SLC6A7: variants seen among roughly 807,000 people sequenced by gnomAD.
SLC6A7 encodes the protein solute carrier family 6 member 7, also known as sodium-dependent proline transporter.
A neutral mutation model predicts 73.1 loss-of-function variants in SLC6A7; 58 were observed. That is an observed-to-expected ratio of 0.79 (90% CI 0.64 to 0.99). The LOEUF (loss-of-function observed/expected upper bound fraction) is 0.99, where lower values mean the gene tolerates loss of function less well. Ranked by LOEUF, SLC6A7 falls within the 50% of genes least tolerant of loss-of-function variation. The pLI is 0.00. For synonymous variants in SLC6A7, 338 were observed against 338.7 expected (o/e 1.00, Z 0.02); for missense variants, 783 against 831.4 (o/e 0.94, Z 0.72).
At chr5:150,190,552 C>G (rs1259352534) in intron 1 of SLC6A7, among the ~76,000 whole-genome samples, 192 bp downstream of exon 1, 1 of 152,190 alleles carries the variant, frequency 6.6e-6, no homozygotes, top group African/African-American at 2.4e-5. Flanking sequence ...CCCCTGCCAT[C>G]TGGGGTTCGG....
chr5:150,210,163 C>T lies in SLC6A7; in HGVS notation c.*548C>T, dbSNP rs1753905342. 1 of 159,876 alleles carries T rather than the reference C, an allele frequency of 6.3e-6. No homozygotes were observed. The highest frequency in any genetic ancestry group is 2.4e-5 in the African/African-American group (1 of 41,510). 9.9% of individuals were successfully genotyped at this position (159,876 alleles called of 1,614,324 possible). ...ATGAGTTAGGTGGGGAGAAAGATCC[C>T]TGGGGGCTCCTGTATGCAGGACTCC... On this transcript the variant is annotated 3_prime_UTR_variant, in exon 14 of 14. Coordinates refer to ENST00000230671, the MANE Select transcript of SLC6A7 (RefSeq NM_014228.5).
chr5:150,206,863 T>C (rs1239004404), intron 13 of SLC6A7, among the ~76,000 whole-genome samples: 1 of 152,168 alleles, frequency 6.6e-6, no homozygotes, highest in Admixed American at 6.5e-5. Flanking sequence ...AATGAGCCAC[T>C]AGGAGTGCTG....
At position 150,194,875 on chromosome 5, in the gene SLC6A7, T is replaced by C. The variant is rs1277765004; in HGVS notation, c.181T>C (p.Trp61Arg). The C allele has an allele frequency of 1.2e-6, 2 of 1,613,996 alleles. No homozygotes were observed. Among genetic ancestry groups the C allele is most frequent in the African/African-American group, 2.7e-5 (2 of 74,918 alleles). The change falls in exon 2 of 14, where the codon TGG becomes CGG. Residue 61 changes from tryptophan (W) to arginine (R), a missense_variant. Transcript: ENST00000230671. ...IGYCVGLGNV[W>R]RFPYRAYTNG... The stretch of plus-strand genomic sequence containing the variant: ...CTACTGTGTAGGCCTGGGGAATGTC[T>C]GGCGCTTCCCCTATCGAGCGTACAC...
intron 1 of SLC6A7, among the ~76,000 whole-genome samples, chr5:150,194,302 G>A (rs571749597): frequency 3.9e-5 from 6 of 152,106 alleles, no homozygotes; most frequent in East Asian, 1.9e-4. Context: ...GGTGGTGGGC[G>A]CCTGTAGTCC....
At chr5:150,196,436 A>T (rs1237256204) in intron 2 of SLC6A7, among the ~76,000 whole-genome samples, 1 of 152,176 alleles carries the variant, frequency 6.6e-6, no homozygotes, top group African/African-American at 2.4e-5. Flanking sequence ...TCAGCAGGAA[A>T]TTCACACATT....
intron 2 of SLC6A7, among the ~76,000 whole-genome samples, chr5:150,195,761 A>G (rs960745324): frequency 6.6e-6 from 1 of 152,240 alleles, no homozygotes; most frequent in African/African-American, 2.4e-5. Flanking sequence ...TAGATGAAGC[A>G]AAGAAAGGAT....
chr5:150,194,900 C>T lies in SLC6A7; in HGVS notation c.206C>T (p.Thr69Ile), dbSNP rs192386891. 2.5e-6 allele frequency: 4 copies of T among 1,613,418 alleles called. No individual in the cohort carries two copies. The highest frequency in any genetic ancestry group is 1.7e-6 in the Non-Finnish European group (2 of 1,179,524). ...NVWRFPYRAY[T>I]NGGGAFLVPY... ...TGGCGCTTCCCCTATCGAGCGTACACCAATGGAGGAGGTATGGGCCTGAGG... is the reference window on the plus strand; with the variant it reads ...TGGCGCTTCCCCTATCGAGCGTACATCAATGGAGGAGGTATGGGCCTGAGG... The change falls in exon 2 of 14, where the codon ACC becomes ATC. Residue 69 changes from threonine (T) to isoleucine (I), a missense_variant. Physicochemically the swap from Thr to Ile is moderately conservative, Grantham distance 89 (BLOSUM62 -1). Coordinates refer to ENST00000230671, the MANE Select transcript of SLC6A7 (RefSeq NM_014228.5).
At chr5:150,199,949 A>G (rs1388245856) in intron 5 of SLC6A7, among the ~76,000 whole-genome samples, 1 of 152,094 alleles carries the variant, frequency 6.6e-6, no homozygotes, top group Non-Finnish European at 1.5e-5. Flanking sequence ...ACTATTTTAG[A>G]ATTGAGTCTC....
intron 1 of SLC6A7, 122 bp from the exon 2 acceptor site, chr5:150,194,606 T>C: frequency 1.3e-6 from 1 of 748,490 alleles, no homozygotes; most frequent in South Asian, 1.8e-5. Flanking sequence ...GAGCACTTGA[T>C]TATCTGGACT....
intron 6 of SLC6A7, 115 bp from the exon 7 acceptor site, chr5:150,202,232 C>A: frequency 1.4e-6 from 1 of 738,542 alleles, no homozygotes; most frequent in South Asian, 1.6e-5. Context: ...CTCATGACCA[C>A]GCCATCCCTC....
chr5:150,190,977 G>T (rs1752756700), intron 1 of SLC6A7, among the ~76,000 whole-genome samples: 1 of 152,178 alleles, frequency 6.6e-6, no homozygotes, highest in South Asian at 2.1e-4. Context: ...TGGTATGGGA[G>T]AGTGGCTGTG....
At chr5:150,198,043 A>G (rs1046811121) in intron 4 of SLC6A7, among the ~76,000 whole-genome samples, 1 of 139,354 alleles carries the variant, frequency 7.2e-6, no homozygotes, top group African/African-American at 2.8e-5. Context: ...CCTTTAAAAG[A>G]AGAAAGAGAA....
chr5:150,196,667 T>C (rs1443257899), intron 2 of SLC6A7, 49 bp from the exon 3 acceptor site: 1 of 1,584,534 alleles, frequency 6.3e-7, no homozygotes, highest in South Asian at 1.2e-5. Flanking sequence ...AGCTGGGCTT[T>C]TGGGGGAGCT....
At chr5:150,204,715 C>T in intron 11 of SLC6A7, 84 bp downstream of exon 11, 1 of 1,360,638 alleles carries the variant, frequency 7.3e-7, no homozygotes, top group Non-Finnish European at 1.1e-6. Flanking sequence ...GTACCTGGGT[C>T]CCTGGTCCCA....
At chr5:150,192,495 G>C (rs988584562) in intron 1 of SLC6A7, among the ~76,000 whole-genome samples, 6 of 152,166 alleles carry the variant, frequency 3.9e-5, no homozygotes, top group African/African-American at 1.4e-4. Context: ...TCAGCTTCCA[G>C]CCCTGCCCCA....
intron 13 of SLC6A7, among the ~76,000 whole-genome samples, chr5:150,207,919 G>A (rs1238163375): frequency 6.6e-6 from 1 of 151,690 alleles, no homozygotes; most frequent in Non-Finnish European, 1.5e-5. Context: ...TGGAGACATT[G>A]TTGGTTGTCG....
intron 7 of SLC6A7, 58 bp from the exon 8 acceptor site, chr5:150,202,521 T>A (rs1468539879): frequency 6.2e-7 from 1 of 1,611,030 alleles, no homozygotes; most frequent in East Asian, 2.2e-5. Flanking sequence ...AGGGAGGGCC[T>A]CAGAGGCTGA....
intron 1 of SLC6A7, among the ~76,000 whole-genome samples, chr5:150,193,656 G>A (rs1038963049): frequency 5.9e-5 from 9 of 152,156 alleles, no homozygotes; most frequent in Admixed American, 5.2e-4. Flanking sequence ...GGAACCCCCA[G>A]GTCCCTCCAA....
chr5:150,198,115 G>GAGAAAGAAAGAAAGAA, intron 4 of SLC6A7, among the ~76,000 whole-genome samples: 1 of 77,534 alleles, frequency 1.3e-5, no homozygotes, highest in Non-Finnish European at 3.1e-5. Context: ...AAGAAAGAAA[G>GAGAAAGAAAGAAAGAA]AGAAAGAAAG....
Sources: gnomAD v4.1 joint callset for allele counts (sites outside exome capture counted in the v4.1 genomes callset) on GRCh38, gnomAD v4.1.1 for gene constraint, MANE v1.5 for transcripts, NCBI Gene and HGNC (gene_info 2026-07-23, HGNC 2026-07-21) for gene names.